Variants in FIRRM observed in about 807,000 individuals in gnomAD.
The protein encoded by FIRRM is FIGNL1-interacting regulator of recombination and mitosis.
chr1:169,852,243 T>G, the FIRRM span: 5 of 357,972 alleles, frequency 1.4e-5, no homozygotes, highest in Non-Finnish European at 2.6e-5. Context: ...GAAAGAAACT[T>G]ACTCCTAAAT....
the FIRRM span, chr1:169,792,780 G>A: frequency 6.2e-7 from 1 of 1,612,866 alleles, no homozygotes. Flanking sequence ...AAAGTCTGGT[G>A]CAAATTACTA....
chr1:169,812,663 G>T, the FIRRM span, among the ~76,000 whole-genome samples: 1 of 151,910 alleles, frequency 6.6e-6, no homozygotes, highest in African/African-American at 2.4e-5. Flanking sequence ...TCGAGACCAG[G>T]CTGGCCAACA....
At chr1:169,803,390 T>C in the FIRRM span, 1 of 1,302,440 alleles carries the variant, frequency 7.7e-7, no homozygotes, top group Non-Finnish European at 1.0e-6. Flanking sequence ...TTGTATAAGA[T>C]TTTACATTTT....
At chr1:169,814,910 T>C in the FIRRM span, among the ~76,000 whole-genome samples, 1 of 151,928 alleles carries the variant, frequency 6.6e-6, no homozygotes, top group South Asian at 2.1e-4. Context: ...TTAGGTGTTC[T>C]CCACATGATG....
chr1:169,786,482 G>C, the FIRRM span, among the ~76,000 whole-genome samples: 2 of 152,204 alleles, frequency 1.3e-5, no homozygotes, highest in African/African-American at 4.8e-5. Context: ...CTGGCATAGA[G>C]AGTGGCACAA....
chr1:169,810,686 A>C, the FIRRM span, among the ~76,000 whole-genome samples: 1 of 151,930 alleles, frequency 6.6e-6, no homozygotes, highest in Non-Finnish European at 1.5e-5. Context: ...TTAGAACTTA[A>C]AGCTTTTTGG....
the FIRRM span, chr1:169,793,426 T>G: frequency 1.2e-5 from 20 of 1,614,092 alleles, no homozygotes; most frequent in Non-Finnish European, 1.6e-5. Flanking sequence ...GTTTTCCATG[T>G]GGCTCCAAGT....
At chr1:169,787,690 T>C in the FIRRM span, among the ~76,000 whole-genome samples, 7 of 152,198 alleles carry the variant, frequency 4.6e-5, no homozygotes, top group African/African-American at 1.4e-4. Flanking sequence ...CAAGTAACAT[T>C]GAACCATTTT....
the FIRRM span, among the ~76,000 whole-genome samples, chr1:169,824,907 G>A: frequency 6.6e-6 from 1 of 152,144 alleles, no homozygotes; most frequent in Non-Finnish European, 1.5e-5. Flanking sequence ...CTACTAGTCA[G>A]GACATCTATA....
At chr1:169,826,496 G>A in the FIRRM span, among the ~76,000 whole-genome samples, 4 of 151,774 alleles carry the variant, frequency 2.6e-5, no homozygotes, top group African/African-American at 9.7e-5. Context: ...CCGAGTAGCT[G>A]GGATTACAGG....
chr1:169,850,418 C>A, the FIRRM span: 3 of 982,676 alleles, frequency 3.1e-6, no homozygotes, highest in South Asian at 1.5e-5. Flanking sequence ...TAACTGTAAC[C>A]AACCTGAGTG....
At chr1:169,843,837 T>A in the FIRRM span, 1 of 936,404 alleles carries the variant, frequency 1.1e-6, no homozygotes. Context: ...TCATGTAAAA[T>A]AACTTTCTAG....
chr1:169,830,844 T>C, the FIRRM span: 180 of 1,085,424 alleles, frequency 1.7e-4, 1 homozygote, highest in Middle Eastern at 9.9e-4. Flanking sequence ...GGGAGAAATA[T>C]CACAGTAACA....
chr1:169,792,381 A>T, the FIRRM span: 1 of 430,786 alleles, frequency 2.3e-6, no homozygotes, highest in Non-Finnish European at 4.1e-6. Context: ...AGGAGATCTC[A>T]TCAAATGCAC....
chr1:169,809,236 C>T, the FIRRM span, among the ~76,000 whole-genome samples: 1 of 152,134 alleles, frequency 6.6e-6, no homozygotes, highest in Non-Finnish European at 1.5e-5. Context: ...CTCACCTGCC[C>T]CTCCCCTTGT....
chr1:169,836,119 T>A, the FIRRM span, among the ~76,000 whole-genome samples: 2 of 152,004 alleles, frequency 1.3e-5, no homozygotes, highest in African/African-American at 4.8e-5. Context: ...TCAAGTAGAT[T>A]TTGAATATTT....
the FIRRM span, among the ~76,000 whole-genome samples, chr1:169,787,840 CGTGATGTATGTTACAT>C: frequency 2.0e-5 from 3 of 151,930 alleles, no homozygotes; most frequent in East Asian, 1.9e-4. Context: ...CCCCCTGTAA[CGTGATGTATGTTACAT>C]GTGATGTATG....
chr1:169,815,090 G>T, the FIRRM span, among the ~76,000 whole-genome samples: 1 of 152,072 alleles, frequency 6.6e-6, no homozygotes, highest in East Asian at 1.9e-4. Flanking sequence ...GAGGTCAGGA[G>T]TTGGAGACCA....
the FIRRM span, among the ~76,000 whole-genome samples, chr1:169,788,003 G>A: frequency 1.5e-3 from 230 of 152,312 alleles, no homozygotes; most frequent in African/African-American, 5.3e-3. Context: ...GCTAAAAACA[G>A]ATTTTGTTTG....
Sources: gnomAD v4.1 joint callset for allele counts (sites outside exome capture counted in the v4.1 genomes callset) on GRCh38, gnomAD v4.1.1 for gene constraint, MANE v1.5 for transcripts, NCBI Gene and HGNC (gene_info 2026-07-23, HGNC 2026-07-21) for gene names.